The following AGBL4 variants were observed in gnomAD, a reference collection of about 807,000 sequenced individuals.
The protein encoded by AGBL4 is cytosolic carboxypeptidase 6.
AGBL4 carries 58 observed loss-of-function variants against 66.4 expected under a neutral mutation model. That is an observed-to-expected ratio of 0.87 (90% CI 0.71 to 1.09). The LOEUF is 1.09. Among genes scored for constraint, AGBL4 ranks in the 50% least tolerant of loss-of-function variants. The pLI is 0.00. For missense variants in AGBL4, 579 were observed against 631.0 expected (o/e 0.92, Z 0.88); for synonymous variants, 234 against 222.9 (o/e 1.05, Z -0.44).
intron 2 of AGBL4, among the ~76,000 whole-genome samples, chr1:49,754,426 T>G (rs1407232904): frequency 2.6e-5 from 4 of 152,132 alleles, no homozygotes; most frequent in African/African-American, 9.7e-5. Flanking sequence ...GTTTGTTAGT[T>G]TTCCTTCTAA....
intron 5 of AGBL4, among the ~76,000 whole-genome samples, chr1:48,897,976 A>AT (rs1031421830): frequency 6.6e-6 from 1 of 151,110 alleles, no homozygotes; most frequent in Non-Finnish European, 1.5e-5. Context: ...TACCCGGCTA[A>AT]TTTTTTTTGT....
intron 2 of AGBL4, among the ~76,000 whole-genome samples, chr1:49,782,630 C>G (rs895085982): frequency 8.5e-5 from 13 of 152,106 alleles, no homozygotes; most frequent in Non-Finnish European, 1.9e-4. Flanking sequence ...AACTTAATAG[C>G]CAATGCACAG....
chr1:49,645,405 T>A (rs1415334229), intron 3 of AGBL4, among the ~76,000 whole-genome samples: 1 of 36,898 alleles, frequency 2.7e-5, no homozygotes, highest in African/African-American at 5.8e-5. Flanking sequence ...TCAAAAAAAA[T>A]TATTATGACA....
At chr1:49,663,678 C>T (rs1225764580) in intron 3 of AGBL4, among the ~76,000 whole-genome samples, 6 of 151,730 alleles carry the variant, frequency 4.0e-5, no homozygotes, top group Non-Finnish European at 5.9e-5. Flanking sequence ...AATGAGAAGC[C>T]ACTACAATAG....
intron 6 of AGBL4, among the ~76,000 whole-genome samples, chr1:48,762,162 G>A (rs1349357079): frequency 6.6e-6 from 1 of 152,202 alleles, no homozygotes; most frequent in Non-Finnish European, 1.5e-5. Flanking sequence ...ATGAGTCTGA[G>A]GAACAGCCGG....
At chr1:48,717,008 G>C (rs755555628) in intron 6 of AGBL4, among the ~76,000 whole-genome samples, 1 of 152,196 alleles carries the variant, frequency 6.6e-6, no homozygotes, top group Non-Finnish European at 1.5e-5. Context: ...GCCTGTGAGG[G>C]AACAGTGACC....
At chr1:48,544,613 T>C (rs1336587110) in intron 11 of AGBL4, among the ~76,000 whole-genome samples, 2 of 152,036 alleles carry the variant, frequency 1.3e-5, no homozygotes, top group African/African-American at 4.8e-5. Flanking sequence ...AGTGAAACAG[T>C]GGGATTTCTG....
intron 3 of AGBL4, among the ~76,000 whole-genome samples, chr1:49,583,627 G>A (rs1448402354): frequency 6.6e-6 from 1 of 152,070 alleles, no homozygotes; most frequent in Non-Finnish European, 1.5e-5. Context: ...TGTCATAAAT[G>A]AATTGTAGGG....
intron 6 of AGBL4, chr1:48,817,909 G>A (rs957780306): frequency 1.3e-5 from 8 of 620,382 alleles, no homozygotes; most frequent in African/African-American, 1.8e-5. Context: ...TCCATTTTGG[G>A]TGAATGGTGG....
rs114468213 is a variant in AGBL4 at position 49,278,620 on chromosome 1, A to G, written c.283-32756T>C. On this transcript the variant is annotated intron_variant, in intron 3 of 13. Transcript: ENST00000371839. ...TAATGGCAAATATTTATGAGCTATT[A>G]ATAGGTAGAGGTCTAGGTTCAGTCT... 2.1e-3 allele frequency among the ~76,000 whole-genome samples: 324 copies of G among 152,192 alleles called. 3 individuals carry two copies. The highest frequency in any genetic ancestry group is 7.6e-3 in the African/African-American group (316 of 41,524).
At chr1:49,003,102 A>C (rs1449514606) in intron 5 of AGBL4, among the ~76,000 whole-genome samples, 1 of 152,206 alleles carries the variant, frequency 6.6e-6, no homozygotes, top group Non-Finnish European at 1.5e-5. Context: ...ATGAAACATT[A>C]AAAATAAAGT....
At chr1:48,646,954 C>G (rs983542240) in intron 8 of AGBL4, among the ~76,000 whole-genome samples, 2 of 152,194 alleles carry the variant, frequency 1.3e-5, no homozygotes, top group Non-Finnish European at 2.9e-5. Flanking sequence ...TGCATCACAC[C>G]CATATTTCTA....
intron 4 of AGBL4, among the ~76,000 whole-genome samples, chr1:49,098,859 C>T (rs1361366157): frequency 2.0e-5 from 3 of 152,170 alleles, no homozygotes; most frequent in Non-Finnish European, 4.4e-5. Flanking sequence ...GTTTAAAAAC[C>T]TATTTTGATA....
Position 48,906,373 on chromosome 1 carries a change from A to G in AGBL4, c.595-39143T>C, listed in dbSNP as rs570599242. The stretch of plus-strand genomic sequence containing the variant: ...TGTGGAGTATGCAGAGACAAAAGAC[A>G]GAGTCCCTGCCTTTAGCAAGCTTGG... On this transcript the variant is annotated intron_variant, in intron 5 of 13. Transcript: ENST00000371839. Among the ~76,000 whole-genome samples, 2 of 152,342 alleles carry G rather than the reference A, an allele frequency of 1.3e-5. 1 individual carries two copies. Among genetic ancestry groups the G allele is most frequent in the South Asian group, 4.1e-4 (2 of 4,822 alleles).
intron 2 of AGBL4, among the ~76,000 whole-genome samples, chr1:49,773,762 C>T (rs1262149343): frequency 6.6e-6 from 1 of 152,168 alleles, no homozygotes; most frequent in Non-Finnish European, 1.5e-5. Flanking sequence ...GTAACCCTCT[C>T]CAACGGAGTG....
rs571101187 is a variant in AGBL4, at chr1:48,532,904, G to T, written c.*1269C>A. On this transcript the variant is annotated 3_prime_UTR_variant, in exon 14 of 14. Coordinates refer to ENST00000371839, the MANE Select transcript of AGBL4 (RefSeq NM_032785.4). ...CTCTGGGCAAAACGAACCCAGGGGAGAAGCTGTATATACAACATGACATTT... is the reference window on the plus strand; with the variant it reads ...CTCTGGGCAAAACGAACCCAGGGGATAAGCTGTATATACAACATGACATTT... 1 of 152,208 alleles carries T rather than the reference G, an allele frequency of 6.6e-6. No individual in the cohort carries two copies. The highest frequency in any genetic ancestry group is 2.4e-5 in the African/African-American group (1 of 41,448). The allele number at this position is 152,208 out of a possible 1,614,324, so 9.4% of individuals were successfully genotyped here. A position where few individuals can be genotyped will look rare whatever the true frequency, so the allele number is the denominator to read the frequency against.
chr1:48,776,863 A>G, intron 6 of AGBL4: 2 of 1,403,288 alleles, frequency 1.4e-6, no homozygotes, highest in Non-Finnish European at 1.9e-6. Context: ...CCGGTCGGGC[A>G]GCTCAGCCCG....
chr1:48,715,671 A>G (rs573841012), intron 6 of AGBL4, among the ~76,000 whole-genome samples: 3 of 139,770 alleles, frequency 2.1e-5, no homozygotes, highest in Non-Finnish European at 4.6e-5. Flanking sequence ...TAATAACCAC[A>G]AATGCCTTTA....
chr1:49,136,483 T>C (rs1177432721), intron 4 of AGBL4, among the ~76,000 whole-genome samples: 2 of 152,184 alleles, frequency 1.3e-5, no homozygotes, highest in Non-Finnish European at 1.5e-5. Flanking sequence ...TAAATAATTA[T>C]ATTTCTAAAT....
Sources: gnomAD v4.1 joint callset for allele counts (sites outside exome capture counted in the v4.1 genomes callset) on GRCh38, gnomAD v4.1.1 for gene constraint, MANE v1.5 for transcripts, NCBI Gene and HGNC (gene_info 2026-07-23, HGNC 2026-07-21) for gene names.